FAM193A: variants seen among roughly 807,000 people sequenced by gnomAD.
FAM193A encodes the protein family with sequence similarity 193 member A, also known as protein FAM193A.
In FAM193A, 22 loss-of-function variants were observed where a neutral mutation model predicts 126.5. That is an observed-to-expected ratio of 0.17 (90% confidence interval 0.12 to 0.25). The LOEUF (loss-of-function observed/expected upper bound fraction) is 0.25, where lower values mean the gene tolerates loss of function less well. Ranked by LOEUF, FAM193A falls within the 10% of genes least tolerant of loss-of-function variation. The probability of loss-of-function intolerance (pLI) is 1.00; values close to 1 mark genes in which losing one functional copy is unlikely to be tolerated. For missense variants in FAM193A, 1,675 were observed against 1,672.8 expected (o/e 1.00, Z -0.02); for synonymous variants, 761 against 646.8 (o/e 1.18, Z -2.68).
intron 1 of FAM193A, among the ~76,000 whole-genome samples, chr4:2,590,039 G>T (rs942592209): frequency 6.6e-6 from 1 of 151,724 alleles, no homozygotes; most frequent in African/African-American, 2.4e-5. Flanking sequence ...GGAGGCTGAG[G>T]CAGGAGAATT....
intron 5 of FAM193A, among the ~76,000 whole-genome samples, chr4:2,633,911 T>C (rs74656080): frequency 0.029 from 4,381 of 152,204 alleles, 223 homozygotes; most frequent in African/African-American, 0.099. Flanking sequence ...AGATGAAATC[T>C]TTTAAAGTGT....
rs568178901 is a variant in FAM193A at position 2,679,625 on chromosome 4, G to GC, written c.2331+7255dup. On this transcript the variant is annotated intron_variant, in intron 13 of 20. Transcript: ENST00000637812. ...ACTCCCGACCTCAGGTGATCCACCC[G>GC]CCTCGGTCTCCCAAAGTGTTGGGAT... Among the ~76,000 whole-genome samples, 327 of 151,890 alleles carry GC rather than the reference G, an allele frequency of 2.2e-3. 2 individuals are homozygous for GC. Among genetic ancestry groups the GC allele is most frequent in the African/African-American group, 7.2e-3 (298 of 41,462 alleles).
At chr4:2,672,088 C>T (rs765026092) in intron 12 of FAM193A, 33 bp from the exon 13 acceptor site, 1 of 1,602,284 alleles carries the variant, frequency 6.2e-7, no homozygotes. Flanking sequence ...TATTGTTTCA[C>T]TAAATAGGTA....
At chr4:2,545,547 CAGTT>C (rs886814039) in intron 1 of FAM193A, among the ~76,000 whole-genome samples, 14 of 152,224 alleles carry the variant, frequency 9.2e-5, no homozygotes, top group Non-Finnish European at 1.8e-4. Context: ...CATGAGCACT[CAGTT>C]GGTCATATGG....
At chr4:2,637,810 T>C (rs1335984376) in intron 5 of FAM193A, among the ~76,000 whole-genome samples, 1 of 152,222 alleles carries the variant, frequency 6.6e-6, no homozygotes, top group African/African-American at 2.4e-5. Context: ...ACTGGAGGCA[T>C]TGAATTCAGC....
At chr4:2,673,494 T>C (rs1714056132) in intron 13 of FAM193A, among the ~76,000 whole-genome samples, 1 of 152,242 alleles carries the variant, frequency 6.6e-6, no homozygotes, top group African/African-American at 2.4e-5. Flanking sequence ...TTGTAATTAC[T>C]TGGCACAACC....
intron 2 of FAM193A, among the ~76,000 whole-genome samples, chr4:2,617,859 A>G (rs1002496464): frequency 1.3e-5 from 2 of 152,138 alleles, no homozygotes; most frequent in South Asian, 4.1e-4. Flanking sequence ...GACCTTATAA[A>G]TAAGTTCTTG....
chr4:2,618,242 G>A (rs1348166288), intron 2 of FAM193A, among the ~76,000 whole-genome samples: 1 of 152,034 alleles, frequency 6.6e-6, no homozygotes, highest in African/African-American at 2.4e-5. Flanking sequence ...GTGTGCTTTG[G>A]GTTAATTGAG....
At chr4:2,704,152 A>G (rs556214389) in intron 19 of FAM193A, among the ~76,000 whole-genome samples, 1 of 151,842 alleles carries the variant, frequency 6.6e-6, no homozygotes, top group African/African-American at 2.4e-5. Flanking sequence ...AATCCCAGCT[A>G]CTCGGGAGGT....
chr4:2,643,632 C>A (rs1744853984), intron 6 of FAM193A, among the ~76,000 whole-genome samples: 1 of 152,162 alleles, frequency 6.6e-6, no homozygotes, highest in African/African-American at 2.4e-5. Context: ...CTTCCCTTGA[C>A]TCCCCACCAT....
At chr4:2,616,394 C>T (rs1742187427) in intron 2 of FAM193A, among the ~76,000 whole-genome samples, 1 of 152,084 alleles carries the variant, frequency 6.6e-6, no homozygotes, top group Non-Finnish European at 1.5e-5. Context: ...AGCTTAGGAG[C>T]TCTTGCCTTT....
At chr4:2,663,520 G>T (rs1317484224) in intron 12 of FAM193A, among the ~76,000 whole-genome samples, 1 of 151,908 alleles carries the variant, frequency 6.6e-6, no homozygotes. Context: ...TTTTTTGTCT[G>T]TATAGAAGCA....
chr4:2,552,008 A>T (rs1369206944), intron 1 of FAM193A, among the ~76,000 whole-genome samples: 53 of 111,702 alleles, frequency 4.7e-4, no homozygotes, highest in Admixed American at 5.5e-4. Flanking sequence ...GTCTGGGTAA[A>T]TTTTTTTTTT....
chr4:2,628,892 A>C (rs1330372677), intron 4 of FAM193A, among the ~76,000 whole-genome samples: 4 of 143,624 alleles, frequency 2.8e-5, no homozygotes, highest in Admixed American at 2.1e-4. Context: ...TCGCTCTGTC[A>C]CCCAGGGTGG....
intron 1 of FAM193A, among the ~76,000 whole-genome samples, chr4:2,576,859 A>G (rs1242479606): frequency 6.6e-6 from 1 of 152,220 alleles, no homozygotes; most frequent in African/African-American, 2.4e-5. Flanking sequence ...CTTGTTCAGC[A>G]CTTTGGGCTT....
chr4:2,613,215 T>A (rs1214805690), intron 2 of FAM193A, among the ~76,000 whole-genome samples: 2 of 152,128 alleles, frequency 1.3e-5, no homozygotes, highest in African/African-American at 4.8e-5. Context: ...CGCAGGTGGA[T>A]TGCTTGAGGC....
Position 2,672,104 on chromosome 4 carries a change from T to C in FAM193A, c.2080-17T>C, listed in dbSNP as rs1308718453. 2.5e-6 allele frequency: 4 copies of C among 1,612,528 alleles called. No homozygotes were observed. The highest frequency in any genetic ancestry group is 2.5e-6 in the Non-Finnish European group (3 of 1,178,782). ...ATTGTTTCACTAAATAGGTATGTTT[T>C]TTTTCTTTCCTCTTAGGCTGAACAA... On this transcript the variant is annotated splice_polypyrimidine_tract_variant and intron_variant, in intron 12 of 20. Transcript: ENST00000637812.
chr4:2,732,118 G>A lies in FAM193A; in HGVS notation c.*250G>A, dbSNP rs1721469620. 1.9e-6 allele frequency: 1 copy of A among 525,950 alleles called. No homozygotes were observed. The highest frequency in any genetic ancestry group is 1.9e-5 in the African/African-American group (1 of 52,102). The allele number at this position is 525,950 out of a possible 1,614,324, so 32.6% of individuals were successfully genotyped here. On this transcript the variant is annotated 3_prime_UTR_variant, in exon 21 of 21. Transcript: ENST00000637812. ...GGATTGGAACAGTAGTTCCCGCCAA[G>A]TCCTCCCACCACCGCGGCCTCGGAG...
chr4:2,624,724 T>C (rs1742784804), intron 2 of FAM193A, among the ~76,000 whole-genome samples: 4 of 152,222 alleles, frequency 2.6e-5, no homozygotes, highest in Admixed American at 2.0e-4. Flanking sequence ...AAAATTTATA[T>C]AGAGATGAGG....
Sources: allele counts gnomAD v4.1 joint callset (sites outside exome capture counted in the v4.1 genomes callset), GRCh38; gene constraint gnomAD v4.1.1; transcripts MANE v1.5; gene names NCBI Gene and HGNC (gene_info 2026-07-23, HGNC 2026-07-21).